SLC4A4: variants seen among roughly 807,000 people sequenced by gnomAD.
SLC4A4 encodes solute carrier family 4 member 4, also known as electrogenic sodium bicarbonate cotransporter 1.
Under a neutral mutation model 111.5 loss-of-function variants are expected in SLC4A4, and 27 were observed. That is an observed-to-expected ratio of 0.24 (90% confidence interval 0.18 to 0.33). The LOEUF (loss-of-function observed/expected upper bound fraction) is 0.33. Among genes scored for constraint, SLC4A4 ranks in the 10% least tolerant of loss-of-function variants. The pLI, the probability that SLC4A4 is intolerant of heterozygous loss-of-function variation, is 1.00. For missense variants in SLC4A4, 909 were observed against 1,315.5 expected (o/e 0.69, Z 4.78); for synonymous variants, 443 against 463.4 (o/e 0.96, Z 0.57).
chr4:71,510,508 T>C (rs1007715570), intron 16 of SLC4A4, among the ~76,000 whole-genome samples: 1 of 152,206 alleles, frequency 6.6e-6, no homozygotes, highest in Admixed American at 6.5e-5. Flanking sequence ...TTTCTTTGTC[T>C]TGTTTTTTTT....
chr4:71,283,007 T>G (rs1194471567), intron 3 of SLC4A4, among the ~76,000 whole-genome samples: 1 of 152,184 alleles, frequency 6.6e-6, no homozygotes, highest in East Asian at 1.9e-4. Flanking sequence ...AAATGCTGAA[T>G]AGACTTGGTT....
intron 8 of SLC4A4, 52 bp downstream of exon 8, chr4:71,440,825 T>G: frequency 6.4e-7 from 1 of 1,573,424 alleles, no homozygotes; most frequent in Non-Finnish European, 8.7e-7. Flanking sequence ...GGTTATCTCC[T>G]CCCATTCAGG....
intron 2 of SLC4A4, among the ~76,000 whole-genome samples, chr4:71,153,682 C>T (rs749381531): frequency 2.6e-5 from 4 of 151,850 alleles, no homozygotes; most frequent in Admixed American, 6.6e-5. Context: ...TTTTTTTCTT[C>T]GTCTTTGTTA....
intron 2 of SLC4A4, among the ~76,000 whole-genome samples, chr4:71,111,187 C>A (rs6839146): frequency 6.6e-6 from 1 of 152,020 alleles, no homozygotes; most frequent in African/African-American, 2.4e-5. Flanking sequence ...TCTAGGTTTT[C>A]ATGCTGAAAA....
intron 23 of SLC4A4, among the ~76,000 whole-genome samples, chr4:71,562,927 T>G (rs550941469): frequency 6.6e-6 from 1 of 151,970 alleles, no homozygotes; most frequent in African/African-American, 2.4e-5. Flanking sequence ...TTAACATTAA[T>G]TCTCATTTTA....
intron 3 of SLC4A4, among the ~76,000 whole-genome samples, chr4:71,272,297 A>T (rs1175959847): frequency 6.6e-6 from 1 of 152,126 alleles, no homozygotes; most frequent in African/African-American, 2.4e-5. Context: ...TGTTGTTGTT[A>T]TTGAATATTA....
chr4:71,270,883 A>G (rs187075138), intron 3 of SLC4A4, among the ~76,000 whole-genome samples: 1 of 152,200 alleles, frequency 6.6e-6, no homozygotes, highest in Non-Finnish European at 1.5e-5. Context: ...TAAGCAAATC[A>G]GTTAGATTAA....
chr4:71,076,472 C>T (rs962809629), intron 1 of SLC4A4, among the ~76,000 whole-genome samples: 1 of 151,764 alleles, frequency 6.6e-6, no homozygotes, highest in Middle Eastern at 3.4e-3. Flanking sequence ...GAGGAGGTTG[C>T]AGTGAGCCAA....
At chr4:71,262,564 C>T (rs1721940619) in intron 3 of SLC4A4, among the ~76,000 whole-genome samples, 1 of 152,168 alleles carries the variant, frequency 6.6e-6, no homozygotes. Context: ...ATGCACTGAG[C>T]GCTGTTGGTT....
intron 3 of SLC4A4, among the ~76,000 whole-genome samples, chr4:71,336,689 A>G (rs1310271572): frequency 1.3e-5 from 2 of 152,164 alleles, no homozygotes; most frequent in Non-Finnish European, 1.5e-5. Context: ...AACTCCTTGA[A>G]TGTGAAGTTT....
intron 12 of SLC4A4, among the ~76,000 whole-genome samples, chr4:71,461,091 T>G (rs943370630): frequency 6.6e-6 from 1 of 152,138 alleles, no homozygotes. Flanking sequence ...CAAAGGCTTA[T>G]CTAGCAAAAT....
In SLC4A4 at chr4:71,373,637, G is replaced by A. The variant is rs367562782; in HGVS notation, c.730+16450G>A. Among the ~76,000 whole-genome samples, 14 of 152,274 alleles carry A rather than the reference G, an allele frequency of 9.2e-5. 1 individual carries two copies. The highest frequency in any genetic ancestry group is 6.8e-3 in the Middle Eastern group (2 of 294). ...AAAATAATTGGGCCATTTTGTGGAA[G>A]GTCTATGAAAGTTTTTAGTACGGAG... is the stretch of plus-strand genomic sequence containing the variant. On this transcript the variant is annotated intron_variant, in intron 6 of 25. Transcript: ENST00000264485.
intron 7 of SLC4A4, among the ~76,000 whole-genome samples, chr4:71,427,222 A>G (rs143550511): frequency 6.6e-6 from 1 of 152,004 alleles, no homozygotes; most frequent in African/African-American, 2.4e-5. Flanking sequence ...CTGTTTTCTT[A>G]TTTGTTAAGA....
chr4:71,238,748 C>G (rs1396571144), intron 2 of SLC4A4, among the ~76,000 whole-genome samples: 1 of 152,144 alleles, frequency 6.6e-6, no homozygotes, highest in Non-Finnish European at 1.5e-5. Context: ...TTGAAATGAA[C>G]AAAATTGTTC....
At chr4:71,333,141 T>C (rs1728153566) in intron 3 of SLC4A4, among the ~76,000 whole-genome samples, 1 of 152,250 alleles carries the variant, frequency 6.6e-6, no homozygotes, top group African/African-American at 2.4e-5. Flanking sequence ...AGTCTGGGCT[T>C]GTTTGTACCT....
intron 7 of SLC4A4, among the ~76,000 whole-genome samples, chr4:71,401,767 C>G (rs1720385263): frequency 6.6e-6 from 1 of 152,114 alleles, no homozygotes; most frequent in Non-Finnish European, 1.5e-5. Context: ...AAAATGTTGA[C>G]TTTTTCCAGG....
intron 5 of SLC4A4, among the ~76,000 whole-genome samples, chr4:71,351,181 A>G (rs1206103072): frequency 6.6e-6 from 1 of 152,220 alleles, no homozygotes; most frequent in Admixed American, 6.5e-5. Context: ...GATGGTGGTG[A>G]TACAAATGAT....
At chr4:71,289,059 A>T (rs1408402129) in intron 3 of SLC4A4, among the ~76,000 whole-genome samples, 1 of 152,152 alleles carries the variant, frequency 6.6e-6, no homozygotes, top group African/African-American at 2.4e-5. Flanking sequence ...GTGCTTTGTT[A>T]TACCTCTGGG....
At chr4:71,177,494 C>A (rs1290719689) in intron 2 of SLC4A4, among the ~76,000 whole-genome samples, 1 of 151,932 alleles carries the variant, frequency 6.6e-6, no homozygotes, top group Non-Finnish European at 1.5e-5. Flanking sequence ...ATCTACCAAG[C>A]AAATGGAAAA....
Sources: allele counts gnomAD v4.1 joint callset (sites outside exome capture counted in the v4.1 genomes callset), GRCh38; gene constraint gnomAD v4.1.1; transcripts MANE v1.5; gene names NCBI Gene and HGNC (gene_info 2026-07-23, HGNC 2026-07-21).